The following COL24A1 variants were observed in gnomAD, a reference collection of about 807,000 sequenced individuals.
COL24A1 encodes the protein collagen type XXIV alpha 1 chain, also known as collagen alpha-1(XXIV) chain.
COL24A1 carries 224 observed loss-of-function variants against 253.9 expected under a neutral mutation model. The observed-to-expected ratio is 0.88, with a 90% confidence interval of 0.79 to 0.99. The LOEUF (loss-of-function observed/expected upper bound fraction) is 0.99, where lower values mean the gene tolerates loss of function less well. Among genes scored for constraint, COL24A1 ranks in the 50% least tolerant of loss-of-function variants. COL24A1 has a pLI of 0.00. For synonymous variants in COL24A1, 685 were observed against 673.7 expected (o/e 1.02, Z -0.26); for missense variants, 2,131 against 2,068.5 (o/e 1.03, Z -0.59).
intron 32 of COL24A1, among the ~76,000 whole-genome samples, chr1:85,881,397 T>C (rs1358483681): frequency 6.6e-6 from 1 of 151,894 alleles, no homozygotes; most frequent in African/African-American, 2.4e-5. Context: ...GGCGGGCCGA[T>C]CACGAGGTCA....
At chr1:85,882,498 A>G (rs935121763) in intron 32 of COL24A1, among the ~76,000 whole-genome samples, 3 of 152,140 alleles carry the variant, frequency 2.0e-5, no homozygotes, top group Non-Finnish European at 4.4e-5. Context: ...AAACACACGA[A>G]TAAAAAAATT....
At chr1:86,032,593 T>A (rs927159496) in intron 13 of COL24A1, among the ~76,000 whole-genome samples, 1 of 152,166 alleles carries the variant, frequency 6.6e-6, no homozygotes, top group Non-Finnish European at 1.5e-5. Flanking sequence ...TAATTCCTAA[T>A]TCACTTTATG....
intron 24 of COL24A1, among the ~76,000 whole-genome samples, chr1:85,923,908 T>C (rs1448276711): frequency 2.0e-5 from 3 of 151,868 alleles, no homozygotes; most frequent in East Asian, 3.9e-4. Flanking sequence ...ATCAAAAAAA[T>C]TGATAGACTG....
At chr1:85,810,393 AG>A (rs1225577469) in intron 47 of COL24A1, among the ~76,000 whole-genome samples, 2 of 152,220 alleles carry the variant, frequency 1.3e-5, no homozygotes, top group Non-Finnish European at 2.9e-5. Context: ...ATAATTAAGT[AG>A]TAGCTATAAA....
At chr1:85,732,783 A>G (rs1056280536) in intron 59 of COL24A1, among the ~76,000 whole-genome samples, 3 of 152,310 alleles carry the variant, frequency 2.0e-5, no homozygotes, top group Admixed American at 6.5e-5. Flanking sequence ...TTCTTTACAA[A>G]GCTGTTATTA....
At chr1:86,004,166 A>T (rs1259752917) in intron 19 of COL24A1, among the ~76,000 whole-genome samples, 1 of 152,218 alleles carries the variant, frequency 6.6e-6, no homozygotes, top group Non-Finnish European at 1.5e-5. Context: ...GAAGAAGGCA[A>T]CCAGCTACTC....
intron 6 of COL24A1, among the ~76,000 whole-genome samples, chr1:86,091,624 A>G (rs1172687475): frequency 6.6e-6 from 1 of 152,106 alleles, no homozygotes; most frequent in Non-Finnish European, 1.5e-5. Context: ...CCTTCTCCCA[A>G]TAAAGTTTTT....
intron 47 of COL24A1, among the ~76,000 whole-genome samples, chr1:85,793,751 A>G (rs1003347134): frequency 1.3e-5 from 2 of 152,144 alleles, no homozygotes; most frequent in Non-Finnish European, 2.9e-5. Flanking sequence ...CATTTTAGAG[A>G]TCATCAATAC....
rs554774302 is a variant in COL24A1 at position 85,743,917 on chromosome 1, C to T, written c.4672+749G>A. Among the ~76,000 whole-genome samples the T allele has an allele frequency of 1.8e-3, 278 of 151,958 alleles. 1 individual carries two copies. The highest frequency in any genetic ancestry group is 3.1e-3 in the Non-Finnish European group (210 of 67,856). ...GTGCGTGTTTGTGTGTGTGTGAGTG[C>T]ATGTATGTGAGATGTGTATGTACAA... is the stretch of plus-strand genomic sequence containing the variant. On this transcript the variant is annotated intron_variant, in intron 57 of 59. Transcript: ENST00000370571.
At chr1:85,780,732 C>G (rs1570585504) in intron 52 of COL24A1, among the ~76,000 whole-genome samples, 1 of 152,252 alleles carries the variant, frequency 6.6e-6, no homozygotes, top group African/African-American at 2.4e-5. Context: ...CCCCTACTTC[C>G]TTCATCACTG....
At chr1:85,917,122 T>C (rs1035547250) in intron 24 of COL24A1, among the ~76,000 whole-genome samples, 5 of 152,214 alleles carry the variant, frequency 3.3e-5, no homozygotes, top group African/African-American at 1.2e-4. Context: ...GATCTATATG[T>C]ATCAACATGG....
intron 2 of COL24A1, among the ~76,000 whole-genome samples, chr1:86,136,553 C>A (rs971846333): frequency 6.6e-6 from 1 of 152,070 alleles, no homozygotes; most frequent in Non-Finnish European, 1.5e-5. Context: ...TACTTAAAGT[C>A]TACACCCATT....
chr1:85,766,260 C>T (rs1013801659), intron 53 of COL24A1, among the ~76,000 whole-genome samples: 1 of 150,390 alleles, frequency 6.6e-6, no homozygotes, highest in Non-Finnish European at 1.5e-5. Flanking sequence ...ATCCCAGCTA[C>T]TCAGGAGGCT....
intron 10 of COL24A1, among the ~76,000 whole-genome samples, chr1:86,052,090 G>C (rs1700351969): frequency 6.6e-6 from 1 of 151,970 alleles, no homozygotes; most frequent in Non-Finnish European, 1.5e-5. Context: ...TGTGAGAGAA[G>C]AGTAGTTTTA....
chr1:85,962,398 T>C (rs1351535596), intron 23 of COL24A1, among the ~76,000 whole-genome samples: 1 of 152,218 alleles, frequency 6.6e-6, no homozygotes, highest in East Asian at 1.9e-4. Context: ...AGGCCATTTA[T>C]AGTCTTGATT....
At chr1:85,950,104 C>A (rs1260377422) in intron 24 of COL24A1, among the ~76,000 whole-genome samples, 2 of 152,056 alleles carry the variant, frequency 1.3e-5, no homozygotes, top group African/African-American at 4.8e-5. Flanking sequence ...CCCTGGTTAT[C>A]CCACAAAAAA....
intron 3 of COL24A1, among the ~76,000 whole-genome samples, chr1:86,118,131 C>T (rs577938273): frequency 1.1e-4 from 16 of 149,596 alleles, no homozygotes; most frequent in South Asian, 1.1e-3. Context: ...GGCGTGATCT[C>T]GGCTCACTGC....
At chr1:85,904,131 A>T (rs186728956) in intron 28 of COL24A1, among the ~76,000 whole-genome samples, 1 of 152,258 alleles carries the variant, frequency 6.6e-6, no homozygotes, top group South Asian at 2.1e-4. Context: ...AAAACATTAC[A>T]TATTTTTAAT....
intron 24 of COL24A1, among the ~76,000 whole-genome samples, chr1:85,924,104 C>A (rs193212894): frequency 6.6e-6 from 1 of 152,138 alleles, no homozygotes; most frequent in Non-Finnish European, 1.5e-5. Context: ...CATACACCCT[C>A]CAAAGACTAA....
Sources: allele counts gnomAD v4.1 joint callset (sites outside exome capture counted in the v4.1 genomes callset), GRCh38; gene constraint gnomAD v4.1.1; transcripts MANE v1.5; gene names NCBI Gene and HGNC (gene_info 2026-07-23, HGNC 2026-07-21).